The following BSPH1 variants were observed in gnomAD, a reference collection of about 807,000 sequenced individuals.
BSPH1 encodes the protein binder of sperm protein homolog 1.
In BSPH1, 21 loss-of-function variants were observed where a neutral mutation model predicts 22.5. The ratio of observed to expected loss-of-function variants is 0.93; its 90% CI spans 0.66 to 1.35. The LOEUF is 1.35. BSPH1 is among the 40% of genes most tolerant of loss of function. The probability of loss-of-function intolerance (pLI) is 0.00; values close to 1 mark genes in which losing one functional copy is unlikely to be tolerated. For synonymous variants in BSPH1, 42 were observed against 53.6 expected (o/e 0.78, Z 0.95); for missense variants, 141 against 154.2 (o/e 0.91, Z 0.45).
intron 5 of BSPH1, among the ~76,000 whole-genome samples, chr19:47,973,006 A>C (rs957899229): frequency 5.9e-5 from 9 of 151,776 alleles, no homozygotes; most frequent in African/African-American, 2.2e-4. Flanking sequence ...TCACGAGGTC[A>C]GGAGATCGAG....
chr19:47,979,664 C>T (rs865865328), intron 2 of BSPH1, 65 bp from the exon 3 acceptor site: 146 of 653,720 alleles, frequency 2.2e-4, no homozygotes, highest in African/African-American at 1.6e-3. Context: ...TGGGCTCTTA[C>T]GTAAAATAAA....
At chr19:47,982,831 G>A (rs1969431880) in intron 1 of BSPH1, among the ~76,000 whole-genome samples, 1 of 152,072 alleles carries the variant, frequency 6.6e-6, no homozygotes, top group Non-Finnish European at 1.5e-5. Context: ...GAAAATACTA[G>A]GTTAAGTAAA....
intron 5 of BSPH1, among the ~76,000 whole-genome samples, chr19:47,974,681 T>C (rs1402695287): frequency 4.6e-5 from 7 of 151,998 alleles, no homozygotes; most frequent in African/African-American, 1.4e-4. Flanking sequence ...TCTCCCACGC[T>C]CTCAATTCCA....
At chr19:47,974,638 T>C (rs1026012481) in intron 5 of BSPH1, among the ~76,000 whole-genome samples, 3 of 151,964 alleles carry the variant, frequency 2.0e-5, no homozygotes, top group African/African-American at 7.3e-5. Flanking sequence ...TCTCGCTTGC[T>C]CTCCATCTCT....
At chr19:47,979,108 T>C (rs2122248933) in intron 3 of BSPH1, among the ~76,000 whole-genome samples, 1 of 152,252 alleles carries the variant, frequency 6.6e-6, no homozygotes, top group East Asian at 1.9e-4. Context: ...ATATTTCTTC[T>C]TTTCTTCTCT....
At position 47,976,753 on chromosome 19, in the gene BSPH1, T is replaced by C; in HGVS notation, c.358A>G (p.Lys120Glu). 2 of 1,551,882 alleles carry C rather than the reference T, an allele frequency of 1.3e-6. No homozygotes were observed. The highest frequency in any genetic ancestry group is 1.7e-6 in the Non-Finnish European group (2 of 1,146,980). ...AFGKKWCSLT[K>E]NFNKDRIWKY... ...CAAATTCGGTCCTTGTTAAAATTCT[T>C]GGTCAGTGAACACCATTTTTTCCCA... is the stretch of plus-strand genomic sequence containing the variant. Residue 120 changes from lysine to glutamate, a missense_variant, in exon 5 of 6, where the codon AAG becomes GAG. Physicochemically the swap from Lys to Glu is moderately conservative, Grantham distance 56 (BLOSUM62 1). Coordinates refer to ENST00000344839, the MANE Select transcript of BSPH1 (RefSeq NM_001128326.2).
At chr19:47,984,301 G>T (rs1969448839) in intron 1 of BSPH1, among the ~76,000 whole-genome samples, 1 of 150,640 alleles carries the variant, frequency 6.6e-6, no homozygotes, top group African/African-American at 2.4e-5. Flanking sequence ...ATTAGTCTTA[G>T]AATACTTATA....
chr19:47,982,193 T>C (rs2913989), intron 1 of BSPH1, among the ~76,000 whole-genome samples: 152,030 of 152,364 alleles, frequency 1, 75,855 homozygotes, highest in Middle Eastern at 1. Context: ...CATCCACGTA[T>C]TATAATGTAA....
At chr19:47,986,775 A>C (rs1179562698) in intron 1 of BSPH1, among the ~76,000 whole-genome samples, 1 of 152,140 alleles carries the variant, frequency 6.6e-6, no homozygotes, top group Non-Finnish European at 1.5e-5. Flanking sequence ...AAAAATAAAA[A>C]AAATCTAGAC....
intron 1 of BSPH1, among the ~76,000 whole-genome samples, chr19:47,986,869 T>C (rs941915889): frequency 9.2e-5 from 14 of 152,132 alleles, no homozygotes; most frequent in African/African-American, 3.4e-4. Flanking sequence ...AATGCCAGGG[T>C]TGGTTCCTTC....
At chr19:47,991,593 C>T (rs111067346) in intron 1 of BSPH1, among the ~76,000 whole-genome samples, 1,766 of 73,812 alleles carry the variant, frequency 0.024, 52 homozygotes, top group Admixed American at 0.059. Flanking sequence ...CCTCTGTCTC[C>T]CCCTCCTCCT....
chr19:47,984,906 C>G (rs1477970643), intron 1 of BSPH1, among the ~76,000 whole-genome samples: 1 of 151,762 alleles, frequency 6.6e-6, no homozygotes, highest in Non-Finnish European at 1.5e-5. Flanking sequence ...GAAATCCCGT[C>G]TCTACTAAAA....
downstream of BSPH1, among the ~76,000 whole-genome samples, chr19:47,967,430 G>A (rs1969269542): frequency 6.6e-6 from 1 of 152,150 alleles, no homozygotes; most frequent in Non-Finnish European, 1.5e-5. Flanking sequence ...CACAGATGGG[G>A]TGGCTTAAAC....
chr19:47,990,551 C>G (rs528263024), intron 1 of BSPH1, among the ~76,000 whole-genome samples: 36 of 151,392 alleles, frequency 2.4e-4, no homozygotes, highest in African/African-American at 8.3e-4. Context: ...GATAAGAAAG[C>G]AGTGGTCATA....
At chr19:47,980,433 G>C in intron 2 of BSPH1, 1 of 464,090 alleles carries the variant, frequency 2.2e-6, no homozygotes, top group Non-Finnish European at 2.8e-6. Context: ...TCACCCAAAA[G>C]TAAAATTAAC....
At chr19:47,975,502 T>C (rs1236522926) in intron 5 of BSPH1, among the ~76,000 whole-genome samples, 2 of 152,234 alleles carry the variant, frequency 1.3e-5, no homozygotes, top group Admixed American at 6.5e-5. Flanking sequence ...CGCACCCATC[T>C]TTGTTGCCCT....
chr19:47,975,727 C>T (rs1014172407), intron 5 of BSPH1, among the ~76,000 whole-genome samples: 4 of 148,132 alleles, frequency 2.7e-5, no homozygotes, highest in African/African-American at 1.0e-4. Flanking sequence ...GCGATCTCGG[C>T]TCACTGCAAG....
chr19:47,970,879 G>A (rs768020224), intron 5 of BSPH1, among the ~76,000 whole-genome samples: 10 of 152,272 alleles, frequency 6.6e-5, no homozygotes, highest in Non-Finnish European at 2.9e-5. Flanking sequence ...CTTATGGGAG[G>A]ATGAAAAATC....
intron 3 of BSPH1, 69 bp from the exon 4 acceptor site, chr19:47,977,573 C>T (rs764606921): frequency 4.1e-5 from 62 of 1,524,782 alleles, no homozygotes; most frequent in Non-Finnish European, 4.5e-5. Context: ...CGACTGTCTT[C>T]CTAGGCGCTG....
Sources: gnomAD v4.1 joint callset for allele counts (sites outside exome capture counted in the v4.1 genomes callset) on GRCh38, gnomAD v4.1.1 for gene constraint, MANE v1.5 for transcripts, NCBI Gene and HGNC (gene_info 2026-07-23, HGNC 2026-07-21) for gene names.